Variants in ANO3 observed in about 807,000 individuals in gnomAD.
ANO3 encodes the protein anoctamin 3.
In ANO3, 99 loss-of-function variants were observed where a neutral mutation model predicts 144.8. The ratio of observed to expected loss-of-function variants is 0.68; its 90% CI spans 0.58 to 0.81. The LOEUF (loss-of-function observed/expected upper bound fraction) is 0.81. Among genes scored for constraint, ANO3 ranks in the 30% least tolerant of loss-of-function variants. The pLI, the probability that ANO3 is intolerant of heterozygous loss-of-function variation, is 0.00. For missense variants in ANO3, 905 were observed against 1,202.2 expected (o/e 0.75, Z 3.66); for synonymous variants, 414 against 392.6 (o/e 1.05, Z -0.64).
chr11:26,351,901 A>G (rs1349617153), intron 1 of ANO3, among the ~76,000 whole-genome samples: 1 of 152,156 alleles, frequency 6.6e-6, no homozygotes, highest in East Asian at 1.9e-4. Context: ...ATGCAAAGAC[A>G]GGTAGAGAGG....
At chr11:26,458,262 G>A (rs1461163670) in intron 3 of ANO3, among the ~76,000 whole-genome samples, 2 of 152,034 alleles carry the variant, frequency 1.3e-5, no homozygotes, top group Non-Finnish European at 2.9e-5. Context: ...TCTCACTGAT[G>A]GCAGAATAAT....
intron 1 of ANO3, among the ~76,000 whole-genome samples, chr11:26,259,752 C>A (rs2133826289): frequency 6.6e-6 from 1 of 152,176 alleles, no homozygotes; most frequent in East Asian, 1.9e-4. Flanking sequence ...TTTATCAGTG[C>A]CAGATGAAGA....
chr11:26,505,339 AT>A (rs1861383247), intron 4 of ANO3, among the ~76,000 whole-genome samples: 1 of 152,196 alleles, frequency 6.6e-6, no homozygotes, highest in Non-Finnish European at 1.5e-5. Flanking sequence ...AAGATAAACA[AT>A]TTCATTTTGG....
At position 26,660,541 on chromosome 11, in the gene ANO3, C is replaced by G; in HGVS notation, c.*97C>G. On this transcript the variant is annotated 3_prime_UTR_variant, in exon 27 of 27. Coordinates refer to ENST00000256737, the MANE Select transcript of ANO3 (RefSeq NM_031418.4). ...AAATCTAGGAGGAAGGCATACTTGG[C>G]AAACCACATGTATAATATGCTACTT... 2 of 1,104,236 alleles carry G rather than the reference C, an allele frequency of 1.8e-6. No individual in the cohort carries two copies. The highest frequency in any genetic ancestry group is 2.5e-5 in the East Asian group (1 of 40,172). 68.4% of individuals were successfully genotyped at this position (1,104,236 alleles called of 1,614,324 possible).
chr11:26,451,992 T>G (rs931026680), intron 3 of ANO3, among the ~76,000 whole-genome samples: 1 of 152,188 alleles, frequency 6.6e-6, no homozygotes, highest in Non-Finnish European at 1.5e-5. Context: ...GGAGTGGACC[T>G]CTAGCAAACT....
At chr11:26,211,613 G>A (rs1408053462) in intron 1 of ANO3, among the ~76,000 whole-genome samples, 1 of 152,084 alleles carries the variant, frequency 6.6e-6, no homozygotes, top group Non-Finnish European at 1.5e-5. Context: ...AATGTTGGTG[G>A]GCGTGTAAAT....
At chr11:26,199,135 CT>C (rs1851644361) in intron 1 of ANO3, among the ~76,000 whole-genome samples, 1 of 151,216 alleles carries the variant, frequency 6.6e-6, no homozygotes, top group Non-Finnish European at 1.5e-5. Flanking sequence ...TGTTCAAGGC[CT>C]GGTAACATTA....
chr11:26,454,738 C>T (rs1341191472), intron 3 of ANO3, among the ~76,000 whole-genome samples: 1 of 151,830 alleles, frequency 6.6e-6, no homozygotes, highest in Non-Finnish European at 1.5e-5. Flanking sequence ...CCAGCATCTT[C>T]CTGATACCAA....
chr11:26,649,303 T>A (rs4354649), intron 24 of ANO3, among the ~76,000 whole-genome samples: 6 of 152,250 alleles, frequency 3.9e-5, no homozygotes, highest in Non-Finnish European at 8.8e-5. Context: ...TTTTTGATAA[T>A]CTGTTCTTAA....
At position 26,624,514 on chromosome 11, in the gene ANO3, T is replaced by G; in HGVS notation, c.1873+16T>G. 6.3e-7 allele frequency: 1 copy of G among 1,590,232 alleles called. No homozygotes were observed. Among genetic ancestry groups the G allele is most frequent in the Non-Finnish European group, 8.6e-7 (1 of 1,159,518 alleles). On this transcript the variant is annotated intron_variant, in intron 18 of 26. Transcript: ENST00000256737. ...ACCAATTTAGGTAAGTCCATTTTTC[T>G]TACTTCACTCCTTAGTCAGAAAATA...
At chr11:26,609,507 G>C (rs1389212234) in intron 17 of ANO3, among the ~76,000 whole-genome samples, 2 of 151,456 alleles carry the variant, frequency 1.3e-5, no homozygotes, top group South Asian at 4.2e-4. Context: ...ATATCCTGCA[G>C]GTGCAGGATA....
chr11:26,332,040 G>T (rs2133888509), upstream of ANO3: 1 of 1,296,304 alleles, frequency 7.7e-7, no homozygotes, highest in South Asian at 1.6e-5. Flanking sequence ...GGGGATGCGG[G>T]GTTGTTCCCA....
intron 1 of ANO3, among the ~76,000 whole-genome samples, chr11:26,317,904 T>C (rs1564962666): frequency 6.6e-6 from 1 of 152,186 alleles, no homozygotes; most frequent in Non-Finnish European, 1.5e-5. Context: ...GTGGCAGATA[T>C]ACACCATTGA....
intron 1 of ANO3, among the ~76,000 whole-genome samples, chr11:26,208,764 G>A (rs576452674): frequency 3.3e-5 from 5 of 152,098 alleles, no homozygotes; most frequent in Non-Finnish European, 7.4e-5. Flanking sequence ...AAAAAACCTA[G>A]ACTGCTCAAA....
At chr11:26,314,168 G>A (rs905180023) in intron 1 of ANO3, among the ~76,000 whole-genome samples, 1 of 152,046 alleles carries the variant, frequency 6.6e-6, no homozygotes, top group East Asian at 1.9e-4. Context: ...AGCATGCCAT[G>A]TTTTCCGTCT....
Position 26,594,549 on chromosome 11 carries a change from C to T in ANO3, c.1448-3816C>T, listed in dbSNP as rs544554609. Among the ~76,000 whole-genome samples, 13 of 152,296 alleles carry T rather than the reference C, an allele frequency of 8.5e-5. No homozygotes were observed. The East Asian group carries it at 1.4e-3, about 16-fold the overall frequency. On this transcript the variant is annotated intron_variant, in intron 14 of 26. Coordinates refer to ENST00000256737, the MANE Select transcript of ANO3 (RefSeq NM_031418.4). ...TCTGAGAGGGAAAAAGGTACATGCACTCTGACTGGGCCAAATTCTCCTCCT... is the reference window on the plus strand; with the variant it reads ...TCTGAGAGGGAAAAAGGTACATGCATTCTGACTGGGCCAAATTCTCCTCCT...
intron 1 of ANO3, among the ~76,000 whole-genome samples, chr11:26,394,112 T>C (rs1446741050): frequency 6.6e-6 from 1 of 152,162 alleles, no homozygotes; most frequent in African/African-American, 2.4e-5. Flanking sequence ...TAAAGGAACT[T>C]CCATAAGCCA....
At chr11:26,473,088 C>T (rs1288681121) in intron 4 of ANO3, among the ~76,000 whole-genome samples, 1 of 151,850 alleles carries the variant, frequency 6.6e-6, no homozygotes, top group Non-Finnish European at 1.5e-5. Flanking sequence ...GAGTAATATA[C>T]CATTTGTTCT....
chr11:26,245,439 A>G (rs1852769171), intron 1 of ANO3, among the ~76,000 whole-genome samples: 1 of 152,178 alleles, frequency 6.6e-6, no homozygotes, highest in Non-Finnish European at 1.5e-5. Context: ...GATAATAGCC[A>G]CCTTTTAATT....
Sources: gnomAD v4.1 joint callset for allele counts (sites outside exome capture counted in the v4.1 genomes callset) on GRCh38, gnomAD v4.1.1 for gene constraint, MANE v1.5 for transcripts, NCBI Gene and HGNC (gene_info 2026-07-23, HGNC 2026-07-21) for gene names.